The following POU4F3 variants were observed in gnomAD, a reference collection of about 807,000 sequenced individuals.
POU4F3 encodes the protein POU domain, class 4, transcription factor 3.
In POU4F3, 7 loss-of-function variants were observed where a neutral mutation model predicts 22.0. The observed-to-expected ratio is 0.32, with a 90% CI of 0.18 to 0.60. The LOEUF (loss-of-function observed/expected upper bound fraction) is 0.60. Among genes scored for constraint, POU4F3 ranks in the 20% least tolerant of loss-of-function variants. POU4F3 has a pLI of 0.85. For synonymous variants in POU4F3, 220 were observed against 194.5 expected (o/e 1.13, Z -1.09); for missense variants, 457 against 467.4 (o/e 0.98, Z 0.21).
Position 146,340,548 on chromosome 5 carries a change from A to G in POU4F3, c.*104A>G, listed in dbSNP as rs901159201. 2.9e-5 allele frequency: 42 copies of G among 1,443,824 alleles called. No homozygotes were observed. The highest frequency in any genetic ancestry group is 3.9e-5 in the Non-Finnish European group (41 of 1,049,628). The allele number at this position is 1,443,824 out of a possible 1,614,324, so 89.4% of individuals were successfully genotyped here. Reference sequence around the variant, plus strand: ...CTCCAAGGCGTTTCCTAGGCAGGTTAGGCTCTCTCCTCCGAAGCCACAGAC... The same window carrying G: ...CTCCAAGGCGTTTCCTAGGCAGGTTGGGCTCTCTCCTCCGAAGCCACAGAC... On this transcript the variant is annotated 3_prime_UTR_variant, in exon 2 of 2. Coordinates refer to ENST00000646991, the MANE Select transcript of POU4F3 (RefSeq NM_002700.3).
In POU4F3 at chr5:146,340,878, A is replaced by G. The variant is rs767441306; in HGVS notation, c.*434A>G. ...AGTGATCAATAATAACACAAAGTCT[A>G]GGATATCTAAGGGGGACACAAACAT... is the stretch of plus-strand genomic sequence containing the variant. On this transcript the variant is annotated 3_prime_UTR_variant, in exon 2 of 2. Transcript: ENST00000646991. 2.5e-5 allele frequency: 7 copies of G among 280,942 alleles called. No homozygotes were observed. The highest frequency in any genetic ancestry group is 4.1e-5 in the Non-Finnish European group (6 of 144,996). 17.4% of individuals were successfully genotyped at this position (280,942 alleles called of 1,614,324 possible).
At position 146,339,631 on chromosome 5, in the gene POU4F3, C is replaced by T. The variant is rs772720668; in HGVS notation, c.204C>T (p.His68=). 5 of 1,614,116 alleles carry T rather than the reference C, an allele frequency of 3.1e-6. No homozygotes were observed. The highest frequency in any genetic ancestry group is 3.3e-5 in the Admixed American group (2 of 60,016). The change falls in exon 2 of 2, where the codon CAC becomes CAT. Residue 68 remains histidine (H), a synonymous_variant. Coordinates refer to ENST00000646991, the MANE Select transcript of POU4F3 (RefSeq NM_002700.3). The surrounding 1 kb of genome is among the most constrained non-coding windows in gnomAD (Gnocchi z 4.7). The stretch of plus-strand genomic sequence containing the variant: ...TGGCGGCGGTGGATATCGTCTCCCA[C>T]GGCAAGAACCATCCGTTCAAGCCCG... ...EALAAVDIVS[H]GKNHPFKPDA...
rs752472118 is a variant in POU4F3 at position 146,339,895 on chromosome 5, C to A, written c.468C>A (p.His156Gln). 1.2e-6 allele frequency: 2 copies of A among 1,608,956 alleles called. No individual in the cohort carries two copies. Among genetic ancestry groups the A allele is most frequent in the South Asian group, 1.1e-5 (1 of 91,090 alleles). ...ACCTGGGCGCCATGGGCCACCTGCA[C>A]CAGGCCATGGGCATGAGTCACCCGC... ...PHHLGAMGHL[H>Q]QAMGMSHPHT... The change falls in exon 2 of 2, where the codon CAC becomes CAA. Residue 156 changes from histidine (H) to glutamine (Q), a missense_variant. By Grantham distance (24) the His-to-Gln change is conservative. Around this residue, in one of 2 missense-constraint regions of POU4F3, gnomAD observed 410 missense variants for 385.0 expected, o/e 1.06. Coordinates refer to ENST00000646991, the MANE Select transcript of POU4F3 (RefSeq NM_002700.3). This position sits in a 1 kb window ranked among gnomAD's most constrained non-coding sequence, Gnocchi z 4.7.
chr5:146,339,206 C>A lies in POU4F3; in HGVS notation c.94C>A (p.Arg32Ser), dbSNP rs775167519. Residue 32 changes from arginine (R) to serine (S), a missense_variant, in exon 1 of 2, where the codon CGC becomes AGC. Arg to Ser is a moderately radical substitution (Grantham distance 110). This residue lies in a region of POU4F3 where 410 missense variants were observed against 385.0 expected (regional missense o/e 1.06). Coordinates refer to ENST00000646991, the MANE Select transcript of POU4F3 (RefSeq NM_002700.3). The surrounding 1 kb of genome is among the most constrained non-coding windows in gnomAD (Gnocchi z 4.7). ...SSLHSGSEAM[R>S]RVCLPAPQLQ... ...TCTGCACTCTGGCTCCGAGGCCATG[C>A]GCCGAGTCTGTCTCCCAGCCCCGCA... is the stretch of plus-strand genomic sequence containing the variant. The A allele has an allele frequency of 5.6e-6, 9 of 1,614,210 alleles. No homozygotes were observed. Among genetic ancestry groups the A allele is most frequent in the Non-Finnish European group, 6.8e-6 (8 of 1,180,040 alleles).
In POU4F3 at chr5:146,339,664, C is replaced by T. The variant is rs1760420849; in HGVS notation, c.237C>T (p.Thr79=). ...GKNHPFKPDA[T]YHTMSSVPCT... The stretch of plus-strand genomic sequence containing the variant: ...ACCATCCGTTCAAGCCCGACGCCAC[C>T]TACCATACCATGAGCAGCGTGCCCT... The change falls in exon 2 of 2, where the codon ACC becomes ACT. Residue 79 remains threonine, a synonymous_variant. Coordinates refer to ENST00000646991, the MANE Select transcript of POU4F3 (RefSeq NM_002700.3). The surrounding 1 kb of genome is among the most constrained non-coding windows in gnomAD (Gnocchi z 4.7). The T allele has an allele frequency of 6.2e-7, 1 of 1,614,222 alleles. No homozygotes were observed.
Position 146,341,497 on chromosome 5 carries a change from T to C in POU4F3, c.*1053T>C, listed in dbSNP as rs1760454944. The C allele has an allele frequency of 6.6e-6, 1 of 152,236 alleles. No homozygotes were observed. Among genetic ancestry groups the C allele is most frequent in the South Asian group, 2.1e-4 (1 of 4,832 alleles). 9.4% of individuals were successfully genotyped at this position (152,236 alleles called of 1,614,324 possible). ...TATGTGGGTGTCTTTCGGTGGAAGT[T>C]CACTTATAGTTTTGTGAGGGAAGAG... On this transcript the variant is annotated 3_prime_UTR_variant, in exon 2 of 2. Transcript: ENST00000646991.
Position 146,339,678 on chromosome 5 carries a change from G to A in POU4F3, c.251G>A (p.Ser84Asn). 2 of 1,614,206 alleles carry A rather than the reference G, an allele frequency of 1.2e-6. No homozygotes were observed. Among genetic ancestry groups the A allele is most frequent in the Non-Finnish European group, 1.7e-6 (2 of 1,180,036 alleles). Reference protein sequence around the residue: ...FKPDATYHTMSSVPCTSTSST... With the variant: ...FKPDATYHTMNSVPCTSTSST... ...CCCGACGCCACCTACCATACCATGA[G>A]CAGCGTGCCCTGCACGTCCACTTCG... The change falls in exon 2 of 2, where the codon AGC becomes AAC. Residue 84 changes from serine (S) to asparagine (N), a missense_variant. Physicochemically the swap from Ser to Asn is conservative, Grantham distance 46 (BLOSUM62 1). Around this residue, in one of 2 missense-constraint regions of POU4F3, gnomAD observed 410 missense variants for 385.0 expected, o/e 1.06. Coordinates refer to ENST00000646991, the MANE Select transcript of POU4F3 (RefSeq NM_002700.3). This position sits in a 1 kb window ranked among gnomAD's most constrained non-coding sequence, Gnocchi z 4.7.
Position 146,339,534 on chromosome 5 carries a change from C to T in POU4F3, c.121-14C>T. The stretch of plus-strand genomic sequence containing the variant: ...ATTCCCTACTGACCGTGCTGTGCGC[C>T]TTCTCGCTTGCAGCTGCAGGGTAAT... On this transcript the variant is annotated splice_polypyrimidine_tract_variant and intron_variant, in intron 1 of 1. Transcript: ENST00000646991. The surrounding 1 kb of genome is among the most constrained non-coding windows in gnomAD (Gnocchi z 4.7). 7 of 1,614,204 alleles carry T rather than the reference C, an allele frequency of 4.3e-6. No individual in the cohort carries two copies. The highest frequency in any genetic ancestry group is 5.9e-6 in the Non-Finnish European group (7 of 1,180,036).
Position 146,339,672 on chromosome 5 carries a change from C to G in POU4F3, c.245C>G (p.Thr82Ser), listed in dbSNP as rs145218099. The change falls in exon 2 of 2, where the codon ACC becomes AGC. Residue 82 changes from threonine to serine, a missense_variant. Thr to Ser is a moderately conservative substitution (Grantham distance 58). Around this residue, in one of 2 missense-constraint regions of POU4F3, gnomAD observed 410 missense variants for 385.0 expected, o/e 1.06. Transcript: ENST00000646991. The surrounding 1 kb of genome is among the most constrained non-coding windows in gnomAD (Gnocchi z 4.7). ...HPFKPDATYH[T>S]MSSVPCTSTS... ...TTCAAGCCCGACGCCACCTACCATA[C>G]CATGAGCAGCGTGCCCTGCACGTCC... The G allele has an allele frequency of 1.2e-6, 2 of 1,614,230 alleles. No homozygotes were observed. The highest frequency in any genetic ancestry group is 1.7e-6 in the Non-Finnish European group (2 of 1,180,044).
Position 146,338,937 on chromosome 5 carries a change from C to T in POU4F3, c.-176C>T. 9.2e-7 allele frequency: 1 copy of T among 1,088,360 alleles called. No homozygotes were observed. 67.4% of individuals were successfully genotyped at this position (1,088,360 alleles called of 1,614,324 possible). A position where few individuals can be genotyped will look rare whatever the true frequency, so the allele number is the denominator to read the frequency against. On this transcript the variant is annotated 5_prime_UTR_variant, in exon 1 of 2. Transcript: ENST00000646991. ...TGAGCACGCCTGCGCGCGCCCGGGC[C>T]CTTCCTGGCAGGCTGCTTGTAAGAT...
chr5:146,338,884 C>T lies in POU4F3; in HGVS notation c.-229C>T. 2.9e-6 allele frequency: 2 copies of T among 692,850 alleles called. No individual in the cohort carries two copies. Among genetic ancestry groups the T allele is most frequent in the Non-Finnish European group, 4.9e-6 (2 of 410,264 alleles). The allele number at this position is 692,850 out of a possible 1,614,324, so 42.9% of individuals were successfully genotyped here. A position where few individuals can be genotyped will look rare whatever the true frequency, so the allele number is the denominator to read the frequency against. ...CTAGCTGCTGTCTCTCCTCACCTCC[C>T]GGGCCGCCCCTGCGAGTCCCCGGCG... On this transcript the variant is annotated 5_prime_UTR_variant, in exon 1 of 2. Transcript: ENST00000646991.
rs898658299 is a variant in POU4F3 at position 146,338,900 on chromosome 5, G to C, written c.-213G>C. ...CTCACCTCCCGGGCCGCCCCTGCGA[G>C]TCCCCGGCGCGTGAGCACGCCTGCG... is the stretch of plus-strand genomic sequence containing the variant. On this transcript the variant is annotated 5_prime_UTR_variant, in exon 1 of 2. Coordinates refer to ENST00000646991, the MANE Select transcript of POU4F3 (RefSeq NM_002700.3). 1.0e-5 allele frequency: 8 copies of C among 765,636 alleles called. No individual in the cohort carries two copies. In the African/African-American group the frequency reaches 1.4e-4, roughly 13 times the overall value. 47.4% of individuals were successfully genotyped at this position (765,636 alleles called of 1,614,324 possible). A position where few individuals can be genotyped will look rare whatever the true frequency, so the allele number is the denominator to read the frequency against.
rs1399766106 is a variant in POU4F3, at chr5:146,340,494, T to C, written c.*50T>C. The C allele has an allele frequency of 2.5e-6, 4 of 1,609,132 alleles. No homozygotes were observed. Among genetic ancestry groups the C allele is most frequent in the Non-Finnish European group, 3.4e-6 (4 of 1,178,016 alleles). On this transcript the variant is annotated 3_prime_UTR_variant, in exon 2 of 2. Coordinates refer to ENST00000646991, the MANE Select transcript of POU4F3 (RefSeq NM_002700.3). ...GCCGGGAGAGCCTAGTGCTCATCCC[T>C]CCCGGGTTCGGGGGATGGTTATCGG...
chr5:146,338,968 A>G lies in POU4F3; in HGVS notation c.-145A>G, dbSNP rs1760406190. On this transcript the variant is annotated 5_prime_UTR_variant, in exon 1 of 2. Coordinates refer to ENST00000646991, the MANE Select transcript of POU4F3 (RefSeq NM_002700.3). Reference sequence around the variant, plus strand: ...TGGCAGGCTGCTTGTAAGATGAGTGAAGAAGCAGGTGGGGGAGAGGGGAGG... The same window carrying G: ...TGGCAGGCTGCTTGTAAGATGAGTGGAGAAGCAGGTGGGGGAGAGGGGAGG... The G allele has an allele frequency of 7.7e-7, 1 of 1,297,604 alleles. No homozygotes were observed. Among genetic ancestry groups the G allele is most frequent in the African/African-American group, 1.5e-5 (1 of 67,970 alleles). 80.4% of individuals were successfully genotyped at this position (1,297,604 alleles called of 1,614,324 possible).
Position 146,339,475 on chromosome 5 carries a change from G to A in POU4F3, c.121-73G>A, listed in dbSNP as rs771422436. The A allele has an allele frequency of 2.7e-4, 423 of 1,591,910 alleles. 1 individual carries two copies. Among genetic ancestry groups the A allele is most frequent in the Non-Finnish European group, 3.6e-4 (413 of 1,161,378 alleles). On this transcript the variant is annotated intron_variant, in intron 1 of 1. Transcript: ENST00000646991. This position sits in a 1 kb window ranked among gnomAD's most constrained non-coding sequence, Gnocchi z 4.7. Reference sequence around the variant, plus strand: ...GGCTTTGAGGAGAGGCATCTCGGTTGCTTGAAAATGTGTTTTAATCCTGTG... The same window carrying A: ...GGCTTTGAGGAGAGGCATCTCGGTTACTTGAAAATGTGTTTTAATCCTGTG...
Position 146,341,720 on chromosome 5 carries a change from C to T in POU4F3, c.*1276C>T, listed in dbSNP as rs1270876648. On this transcript the variant is annotated 3_prime_UTR_variant, in exon 2 of 2. Coordinates refer to ENST00000646991, the MANE Select transcript of POU4F3 (RefSeq NM_002700.3). ...CTTCTAAAATAAATGCTTTATTTTT[C>T]AACCCGAATCAAAGTGGTTTTATTT... 6 of 152,144 alleles carry T rather than the reference C, an allele frequency of 3.9e-5. No individual in the cohort carries two copies. The highest frequency in any genetic ancestry group is 8.8e-5 in the Non-Finnish European group (6 of 68,036). The allele number at this position is 152,144 out of a possible 1,614,324, so 9.4% of individuals were successfully genotyped here. A position where few individuals can be genotyped will look rare whatever the true frequency, so the allele number is the denominator to read the frequency against.
Position 146,340,030 on chromosome 5 carries a change from G to C in POU4F3, c.603G>C (p.Leu201=), listed in dbSNP as rs1581278609. The C allele has an allele frequency of 6.2e-7, 1 of 1,613,984 alleles. No homozygotes were observed. The part of the protein sequence containing the change: ...AERFKQRRIK[L]GVTQADVGAA... ...GCTTCAAGCAGCGGCGCATCAAGCT[G>C]GGGGTGACCCAGGCGGACGTGGGCG... Residue 201 remains leucine (L), a synonymous_variant, in exon 2 of 2, where the codon CTG becomes CTC. Coordinates refer to ENST00000646991, the MANE Select transcript of POU4F3 (RefSeq NM_002700.3).
Position 146,339,546 on chromosome 5 carries a change from A to T in POU4F3, c.121-2A>T, listed in dbSNP as rs542826677. 6 of 1,614,116 alleles carry T rather than the reference A, an allele frequency of 3.7e-6. No individual in the cohort carries two copies. The African/African-American group carries it at 8.0e-5, about 22-fold the overall frequency. ...CCGTGCTGTGCGCCTTCTCGCTTGC[A>T]GCTGCAGGGTAATATATTTGGAAGC... On this transcript the variant is annotated splice_acceptor_variant, in intron 1 of 1. Coordinates refer to ENST00000646991, the MANE Select transcript of POU4F3 (RefSeq NM_002700.3). LOFTEE classifies it high-confidence loss of function. This position sits in a 1 kb window ranked among gnomAD's most constrained non-coding sequence, Gnocchi z 4.7.
Position 146,340,465 on chromosome 5 carries a change from G to A in POU4F3, c.*21G>A, listed in dbSNP as rs563377021. On this transcript the variant is annotated 3_prime_UTR_variant, in exon 2 of 2. Transcript: ENST00000646991. The stretch of plus-strand genomic sequence containing the variant: ...ACTGATTGCGGCAGGGCGCAGCGTC[G>A]GGAGCCGGGAGAGCCTAGTGCTCAT... 3 of 1,613,260 alleles carry A rather than the reference G, an allele frequency of 1.9e-6. No individual in the cohort carries two copies. The highest frequency in any genetic ancestry group is 2.2e-5 in the South Asian group (2 of 91,058).
Sources: allele counts gnomAD v4.1 joint callset, GRCh38; gene constraint gnomAD v4.1.1; regional missense constraint gnomAD v4.1.1; non-coding constraint Gnocchi (gnomAD v3.1); transcripts MANE v1.5; gene names NCBI Gene and HGNC (gene_info 2026-07-23, HGNC 2026-07-21).